TOM1: variants seen among roughly 807,000 people sequenced by gnomAD.
TOM1 encodes the protein target of Myb protein 1.
In TOM1, 38 loss-of-function variants were observed where a neutral mutation model predicts 61.3. That is an observed-to-expected ratio of 0.62 (90% CI 0.48 to 0.81). The LOEUF (loss-of-function observed/expected upper bound fraction) is 0.81, where lower values mean the gene tolerates loss of function less well. Ranked by LOEUF, TOM1 falls within the 40% of genes least tolerant of loss-of-function variation. The probability of loss-of-function intolerance (pLI) is 0.00; values close to 1 mark genes in which losing one functional copy is unlikely to be tolerated. For missense variants in TOM1, 591 were observed against 659.6 expected, an observed-to-expected ratio of 0.90 and a Z score of 1.14; for synonymous variants, 270 against 268.8, an observed-to-expected ratio of 1.00 and a Z score of -0.04.
intron 2 of TOM1, among the ~76,000 whole-genome samples, chr22:35,319,086 A>G (rs750921746): frequency 1.3e-5 from 2 of 152,182 alleles, no homozygotes; most frequent in Non-Finnish European, 2.9e-5. Flanking sequence ...CCAAGGACTC[A>G]TGAGAGTGAG....
chr22:35,330,446 G>C lies in TOM1; in HGVS notation c.865G>C (p.Asp289His), dbSNP rs763835229. Residue 289 changes from aspartate to histidine, a missense_variant, in exon 8 of 15, where the codon GAC becomes CAC. Transcript: ENST00000449058. ...GACAGAGGAGCTGCTCATCGTCAAT[G>C]ACAATCTCAACAATGTGTTCCTGCG... Reference protein sequence around the residue: ...QLTEELLIVNDNLNNVFLRHE... With the variant: ...QLTEELLIVNHNLNNVFLRHE... 26 of 1,613,168 alleles carry C rather than the reference G, an allele frequency of 1.6e-5. No individual in the cohort carries two copies.
intron 2 of TOM1, chr22:35,321,624 C>G: frequency 4.5e-6 from 2 of 441,180 alleles, no homozygotes; most frequent in South Asian, 3.3e-5. Flanking sequence ...GTCTTGAACT[C>G]CTGGCCTCAA....
At chr22:35,311,061 C>CA (rs1926774590) in intron 1 of TOM1, 1 of 152,376 alleles carries the variant, frequency 6.6e-6, no homozygotes, top group Admixed American at 6.5e-5. Flanking sequence ...GGAAGAAGGG[C>CA]AGTGTGTTCA....
intron 2 of TOM1, among the ~76,000 whole-genome samples, chr22:35,321,116 G>A (rs546705801): frequency 2.4e-4 from 36 of 151,950 alleles, no homozygotes; most frequent in Non-Finnish European, 4.4e-4. Flanking sequence ...TTGGGAGGCC[G>A]AGGTGGGAGA....
intron 7 of TOM1, 74 bp from the exon 8 acceptor site, chr22:35,330,273 T>G: frequency 6.8e-7 from 1 of 1,476,062 alleles, no homozygotes; most frequent in Non-Finnish European, 9.1e-7. Context: ...CAGAGCTCCG[T>G]CTCACAAAAA....
At chr22:35,303,926 C>T (rs1388754991) in intron 1 of TOM1, among the ~76,000 whole-genome samples, 2 of 152,168 alleles carry the variant, frequency 1.3e-5, no homozygotes, top group Admixed American at 6.5e-5. Context: ...TTTCTCCAGA[C>T]CCTCAGCACC....
At position 35,338,707 on chromosome 22, in the gene TOM1, T is replaced by G. The variant is rs758819306; in HGVS notation, c.1149-6T>G. 2 of 1,564,346 alleles carry G rather than the reference T, an allele frequency of 1.3e-6. No homozygotes were observed. Among genetic ancestry groups the G allele is most frequent in the Non-Finnish European group, 1.7e-6 (2 of 1,155,386 alleles). On this transcript the variant is annotated splice_polypyrimidine_tract_variant and splice_region_variant and intron_variant, in intron 11 of 14. Transcript: ENST00000449058. ...GCATCCAATGGCTTGGTGGTCTCTC[T>G]TTCAGGGTAAAATACGAAGCCCCCC...
intron 1 of TOM1, among the ~76,000 whole-genome samples, chr22:35,314,487 G>A (rs548893158): frequency 5.1e-4 from 78 of 152,200 alleles, no homozygotes; most frequent in Non-Finnish European, 8.8e-4. Context: ...CCTGATTGCC[G>A]GGTATGGGAT....
chr22:35,300,896 T>TA (rs1372694537), intron 1 of TOM1, among the ~76,000 whole-genome samples: 21 of 104,162 alleles, frequency 2.0e-4, no homozygotes, highest in East Asian at 5.5e-4. Flanking sequence ...CAGTGCCATA[T>TA]AAAAAAAAAC....
In TOM1 at chr22:35,325,766, A is replaced by G. The variant is rs906474185; in HGVS notation, c.649-1505A>G. ...ATCTGTGTGGATTAAGACGCTAATTACTTCCAATGCAAGAAGGTGCTTGCT... is the reference window on the plus strand; with the variant it reads ...ATCTGTGTGGATTAAGACGCTAATTGCTTCCAATGCAAGAAGGTGCTTGCT... On this transcript the variant is annotated intron_variant, in intron 6 of 14. Coordinates refer to ENST00000449058, the MANE Select transcript of TOM1 (RefSeq NM_005488.3). Among the ~76,000 whole-genome samples, 3 of 152,348 alleles carry G rather than the reference A, an allele frequency of 2.0e-5. No individual in the cohort carries two copies. The East Asian group carries it at 5.8e-4, about 29-fold the overall frequency.
chr22:35,301,670 C>A (rs1266540287), intron 1 of TOM1, among the ~76,000 whole-genome samples: 7 of 152,072 alleles, frequency 4.6e-5, no homozygotes, highest in Non-Finnish European at 7.4e-5. Flanking sequence ...GTGTTGTAAT[C>A]GCCACCGTGG....
chr22:35,324,769 C>T (rs1447996409), intron 6 of TOM1, among the ~76,000 whole-genome samples: 1 of 152,198 alleles, frequency 6.6e-6, no homozygotes. Flanking sequence ...AGGCTAGTCT[C>T]GAACTCCTGA....
chr22:35,321,995 C>G lies in TOM1; in HGVS notation c.174C>G (p.Ile58Met). 1.9e-6 allele frequency: 3 copies of G among 1,614,154 alleles called. No homozygotes were observed. The highest frequency in any genetic ancestry group is 2.5e-6 in the Non-Finnish European group (3 of 1,180,026). Residue 58 changes from isoleucine (I) to methionine (M), a missense_variant, in exon 3 of 15, where the codon ATC becomes ATG. Ile to Met is a conservative substitution (Grantham distance 10). Transcript: ENST00000449058. Reference protein sequence around the residue: ...KDALRAVKKRIVGNKNFHEVM... With the variant: ...KDALRAVKKRMVGNKNFHEVM... ...CCCTCCGAGCAGTAAAGAAGAGAAT[C>G]GTGGGGAATAAGAACTTCCACGAGG... is the stretch of plus-strand genomic sequence containing the variant.
upstream of TOM1, chr22:35,299,716 G>T (rs972082577): frequency 1.9e-5 from 11 of 581,698 alleles, no homozygotes; most frequent in Middle Eastern, 4.7e-4. Context: ...TGTGACGCCC[G>T]CCGCCGCCGA....
At chr22:35,332,871 A>G (rs775169115) in intron 8 of TOM1, 110 bp from the exon 9 acceptor site, 4 of 1,109,282 alleles carry the variant, frequency 3.6e-6, no homozygotes, top group Non-Finnish European at 5.6e-6. Context: ...CACCCTGATC[A>G]TAACCCACCG....
Position 35,330,476 on chromosome 22 carries a change from G to A in TOM1, c.895G>A (p.Glu299Lys), listed in dbSNP as rs574533269. 2 of 1,610,734 alleles carry A rather than the reference G, an allele frequency of 1.2e-6. No homozygotes were observed. The highest frequency in any genetic ancestry group is 1.3e-5 in the African/African-American group (1 of 74,884). Reference protein sequence around the residue: ...DNLNNVFLRHERFERFRTGQT... With the variant: ...DNLNNVFLRHKRFERFRTGQT... ...TCTCAACAATGTGTTCCTGCGCCAT[G>A]AACGGTAGCCCCAGCACCTCCCCTG... The change falls in exon 8 of 15, where the codon GAA becomes AAA. Residue 299 changes from glutamate to lysine, a missense_variant. By Grantham distance (56) the Glu-to-Lys change is moderately conservative. Coordinates refer to ENST00000449058, the MANE Select transcript of TOM1 (RefSeq NM_005488.3).
At chr22:35,339,330 C>CA (rs542160301) in intron 12 of TOM1, among the ~76,000 whole-genome samples, 13 of 146,828 alleles carry the variant, frequency 8.9e-5, no homozygotes, top group Admixed American at 2.0e-4. Flanking sequence ...GACTCCATCT[C>CA]AAAAAAAAAA....
chr22:35,323,823 G>T lies in TOM1; in HGVS notation c.557G>T (p.Ser186Ile), dbSNP rs139058644. 1.2e-6 allele frequency: 2 copies of T among 1,613,250 alleles called. No individual in the cohort carries two copies. Among genetic ancestry groups the T allele is most frequent in the Non-Finnish European group, 1.7e-6 (2 of 1,179,552 alleles). Reference protein sequence around the residue: ...SGQDSVGTDSSQQEDSGQHAA... With the variant: ...SGQDSVGTDSIQQEDSGQHAA... The stretch of plus-strand genomic sequence containing the variant: ...CAGGATTCTGTGGGCACTGACTCCA[G>T]CCAGCAAGAGGACTCTGGCCAGCAT... Residue 186 changes from serine to isoleucine, a missense_variant, in exon 6 of 15, where the codon AGC becomes ATC. Transcript: ENST00000449058. This position sits in a 1 kb window ranked among gnomAD's most constrained non-coding sequence, Gnocchi z 4.2.
At position 35,345,827 on chromosome 22, in the gene TOM1, G is replaced by A. The variant is rs133398; in HGVS notation, c.1284+43G>A. 0.16 allele frequency: 261,727 copies of A among 1,602,916 alleles called. 23,578 individuals carry two copies. Among genetic ancestry groups the A allele is most frequent in the East Asian group, 0.36 (16,334 of 44,836 alleles). On this transcript the variant is annotated intron_variant, in intron 13 of 14. Transcript: ENST00000449058. ...CCTCACCCACACAGCAGGAGGACCC[G>A]TTGTTCTCACCAAGAAATGACCCAT...
Sources: gnomAD v4.1 joint callset for allele counts (sites outside exome capture counted in the v4.1 genomes callset) on GRCh38, gnomAD v4.1.1 for gene constraint, Gnocchi (gnomAD v3.1) non-coding constraint, MANE v1.5 for transcripts, NCBI Gene and HGNC (gene_info 2026-07-23, HGNC 2026-07-21) for gene names.